DOCK1: variants seen among roughly 807,000 people sequenced by gnomAD.
DOCK1 encodes the protein dedicator of cytokinesis protein 1.
DOCK1 carries 138 observed loss-of-function variants against 262.7 expected under a neutral mutation model. The ratio of observed to expected loss-of-function variants is 0.53; its 90% confidence interval spans 0.46 to 0.61. The LOEUF is 0.61. DOCK1 is among the 20% of genes least tolerant of loss of function. The pLI, the probability that DOCK1 is intolerant of heterozygous loss-of-function variation, is 0.00. For missense variants in DOCK1, 1,908 were observed against 2,370.7 expected, an observed-to-expected ratio of 0.80 and a Z score of 4.05; for synonymous variants, 866 against 867.4, an observed-to-expected ratio of 1.00 and a Z score of 0.03.
At chr10:127,030,840 C>T (rs1402149193) in intron 16 of DOCK1, among the ~76,000 whole-genome samples, 3 of 151,604 alleles carry the variant, frequency 2.0e-5, no homozygotes, top group Non-Finnish European at 2.9e-5. Context: ...ATCTCTGTCT[C>T]TCTGTCACAC....
chr10:127,168,806 G>A (rs899122608), intron 27 of DOCK1, among the ~76,000 whole-genome samples: 2 of 152,184 alleles, frequency 1.3e-5, no homozygotes, highest in Non-Finnish European at 2.9e-5. Flanking sequence ...ATTCCTCAGC[G>A]TTTATGCACA....
chr10:127,356,864 G>C (rs1180834818), intron 32 of DOCK1, among the ~76,000 whole-genome samples: 1 of 152,098 alleles, frequency 6.6e-6, no homozygotes, highest in African/African-American at 2.4e-5. Context: ...CTTCTGTGTT[G>C]TTCCATTTCA....
chr10:127,404,477 GA>G (rs1249463547), intron 40 of DOCK1, 48 bp downstream of exon 40: 1 of 1,561,120 alleles, frequency 6.4e-7, no homozygotes, highest in East Asian at 2.3e-5. Context: ...TCCCCCAGCA[GA>G]AAATCCCCTT....
At chr10:127,154,048 T>C (rs938274575) in intron 27 of DOCK1, 1 of 690,146 alleles carries the variant, frequency 1.4e-6, no homozygotes, top group Non-Finnish European at 2.6e-6. Context: ...AATTGATTAA[T>C]GCATGCTTCC....
chr10:127,253,718 A>G (rs1014458739), intron 28 of DOCK1, among the ~76,000 whole-genome samples: 6 of 151,926 alleles, frequency 3.9e-5, no homozygotes, highest in South Asian at 2.1e-4. Flanking sequence ...TACAAAAAAT[A>G]TAAAAAAATA....
In DOCK1 at chr10:126,922,326, A is replaced by G. The variant is rs183987054; in HGVS notation, c.46+16763A>G. ...CTGGAGAGGCATCCGGAAACTTCCA[A>G]TCATGGCAGAAGGGGAAGGGAGAGC... is the stretch of plus-strand genomic sequence containing the variant. On this transcript the variant is annotated intron_variant, in intron 1 of 51. Coordinates refer to ENST00000623213, the MANE Select transcript of DOCK1 (RefSeq NM_001290223.2). 4.0e-3 allele frequency among the ~76,000 whole-genome samples: 601 copies of G among 152,086 alleles called. 7 individuals are homozygous for G. The highest frequency in any genetic ancestry group is 0.014 in the African/African-American group (577 of 41,480).
In DOCK1 at chr10:127,451,649, C is replaced by A; in HGVS notation, c.*222C>A. On this transcript the variant is annotated 3_prime_UTR_variant, in exon 52 of 52. Transcript: ENST00000623213. ...GAGGTAGATATGGGTCCGGGATGTG[C>A]TATCGTAGTTATCAGAGTTGGGGGC... The A allele has an allele frequency of 9.2e-7, 1 of 1,085,000 alleles. No individual in the cohort carries two copies. The highest frequency in any genetic ancestry group is 1.3e-6 in the Non-Finnish European group (1 of 796,822). 67.2% of individuals were successfully genotyped at this position (1,085,000 alleles called of 1,614,324 possible).
intron 23 of DOCK1, among the ~76,000 whole-genome samples, chr10:127,103,019 T>G (rs1480780847): frequency 6.6e-6 from 1 of 152,202 alleles, no homozygotes; most frequent in African/African-American, 2.4e-5. Flanking sequence ...TTTTGCCTTT[T>G]CCAGAATGTT....
intron 4 of DOCK1, among the ~76,000 whole-genome samples, chr10:126,983,034 T>G (rs545268146): frequency 6.6e-6 from 1 of 152,252 alleles, no homozygotes; most frequent in South Asian, 2.1e-4. Flanking sequence ...TTATTCTGAG[T>G]CTCAATAAGT....
chr10:127,101,188 G>A (rs1036555682), intron 23 of DOCK1, among the ~76,000 whole-genome samples: 1 of 152,014 alleles, frequency 6.6e-6, no homozygotes, highest in Admixed American at 6.6e-5. Context: ...CCTTTCTTGT[G>A]GTGGCTTTTG....
At chr10:127,287,370 T>C (rs2061195342) in intron 29 of DOCK1, among the ~76,000 whole-genome samples, 1 of 152,072 alleles carries the variant, frequency 6.6e-6, no homozygotes, top group Non-Finnish European at 1.5e-5. Flanking sequence ...TTAGTTTTTT[T>C]GTATAGCTGC....
At chr10:127,097,530 C>G (rs1381124006) in intron 23 of DOCK1, among the ~76,000 whole-genome samples, 2 of 152,090 alleles carry the variant, frequency 1.3e-5, no homozygotes, top group Non-Finnish European at 2.9e-5. Flanking sequence ...TCTCTCATGC[C>G]TGAGTGTGCA....
intron 48 of DOCK1, among the ~76,000 whole-genome samples, chr10:127,436,485 C>T (rs1046310299): frequency 1.3e-5 from 2 of 152,094 alleles, no homozygotes; most frequent in Non-Finnish European, 2.9e-5. Context: ...AACCACTGCA[C>T]TCCAGCCTGG....
Position 127,437,258 on chromosome 10 carries a change from C to T in DOCK1, c.5061-1769C>T, listed in dbSNP as rs1318334486. Among the ~76,000 whole-genome samples the T allele has an allele frequency of 6.6e-6, 1 of 152,116 alleles. No individual in the cohort carries two copies. The highest frequency in any genetic ancestry group is 2.1e-4 in the South Asian group (1 of 4,818). ...AATACCATTATTGTTTACATAGTGA[C>T]CTGCAGCAGATCCTACTGCACAGCC... On this transcript the variant is annotated intron_variant, in intron 48 of 51. Transcript: ENST00000623213. The surrounding 1 kb of genome is among the most constrained non-coding windows in gnomAD (Gnocchi z 4.4).
Position 127,403,104 on chromosome 10 carries a change from A to G in DOCK1, c.3977A>G (p.Glu1326Gly). 1 of 1,612,856 alleles carries G rather than the reference A, an allele frequency of 6.2e-7. No individual in the cohort carries two copies. Among genetic ancestry groups the G allele is most frequent in the Non-Finnish European group, 8.5e-7 (1 of 1,179,488 alleles). ...ALGKELAEQY[E>G]NEMFDYEQLS... ...GGCAAGGAGCTAGCCGAGCAGTATG[A>G]GAACGAAATGTTTGATTATGAGCAA... The change falls in exon 39 of 52, where the codon GAG (glutamate) becomes GGG (glycine). Residue 1326 changes from glutamate to glycine, a missense_variant. By Grantham distance (98) the Glu-to-Gly change is moderately conservative (BLOSUM62 -2). Around this residue, in one of 9 missense-constraint regions of DOCK1, gnomAD observed 267 missense variants for 366.3 expected, o/e 0.73. Transcript: ENST00000623213.
At chr10:127,053,291 GA>G (rs2044874960) in intron 22 of DOCK1, among the ~76,000 whole-genome samples, 1 of 152,208 alleles carries the variant, frequency 6.6e-6, no homozygotes, top group African/African-American at 2.4e-5. Context: ...GCAGCGAGCG[GA>G]GATCGCGCCA....
At chr10:127,386,644 C>T (rs2066138110) in intron 38 of DOCK1, among the ~76,000 whole-genome samples, 1 of 151,942 alleles carries the variant, frequency 6.6e-6, no homozygotes, top group Admixed American at 6.6e-5. Flanking sequence ...AAAACAAGTT[C>T]AGGCTCCCAC....
At chr10:127,374,945 T>G (rs759435577) in intron 35 of DOCK1, among the ~76,000 whole-genome samples, 2 of 152,158 alleles carry the variant, frequency 1.3e-5, no homozygotes, top group Non-Finnish European at 2.9e-5. Context: ...AAGAAACATA[T>G]CTGTTGTTTT....
In DOCK1 at chr10:127,072,559, G is replaced by A. The variant is rs546338786; in HGVS notation, c.2445+10783G>A. Among the ~76,000 whole-genome samples the A allele has an allele frequency of 5.3e-5, 8 of 152,314 alleles. No individual in the cohort carries two copies. The East Asian group carries it at 1.5e-3, about 29-fold the overall frequency. On this transcript the variant is annotated intron_variant, in intron 23 of 51. Coordinates refer to ENST00000623213, the MANE Select transcript of DOCK1 (RefSeq NM_001290223.2). The stretch of plus-strand genomic sequence containing the variant: ...AGTTTAGGGGTTCAAAGAAGGTGCT[G>A]ATACAAAGGTAGTCACCATGAGGTG...
Sources: gnomAD v4.1 joint callset for allele counts (sites outside exome capture counted in the v4.1 genomes callset) on GRCh38, gnomAD v4.1.1 for gene constraint, gnomAD v4.1.1 regional missense constraint, Gnocchi (gnomAD v3.1) non-coding constraint, MANE v1.5 for transcripts, NCBI Gene and HGNC (gene_info 2026-07-23, HGNC 2026-07-21) for gene names.